The following MFAP3L variants were observed in gnomAD, a reference collection of about 807,000 sequenced individuals.
The protein encoded by MFAP3L is microfibrillar-associated protein 3-like.
Under a neutral mutation model 20.0 loss-of-function variants are expected in MFAP3L, and 5 were observed. That is an observed-to-expected ratio of 0.25 (90% CI 0.13 to 0.53). The LOEUF is 0.53. MFAP3L is among the 20% of genes least tolerant of loss of function. The pLI is 0.96. For missense variants in MFAP3L, 409 were observed against 527.5 expected (o/e 0.78, Z 2.20); for synonymous variants, 219 against 213.0 (o/e 1.03, Z -0.25).
At chr4:170,016,074 T>A (rs1739682916) in intron 1 of MFAP3L, among the ~76,000 whole-genome samples, 1 of 152,234 alleles carries the variant, frequency 6.6e-6, no homozygotes, top group Non-Finnish European at 1.5e-5. Context: ...TCAAATATTG[T>A]TGATTGTGCT....
At chr4:170,016,308 T>G (rs992910253) in intron 1 of MFAP3L, among the ~76,000 whole-genome samples, 1 of 152,198 alleles carries the variant, frequency 6.6e-6, no homozygotes, top group Non-Finnish European at 1.5e-5. Flanking sequence ...CCAACCTCAC[T>G]ACGCTCGCTC....
intron 2 of MFAP3L, among the ~76,000 whole-genome samples, chr4:170,003,445 G>A (rs1181803806): frequency 6.6e-6 from 1 of 152,164 alleles, no homozygotes; most frequent in Non-Finnish European, 1.5e-5. Flanking sequence ...AAGGAGGGAC[G>A]GTGCAGAGTC....
intron 2 of MFAP3L, among the ~76,000 whole-genome samples, chr4:170,001,705 C>T (rs1738631274): frequency 6.6e-6 from 1 of 152,150 alleles, no homozygotes; most frequent in Admixed American, 6.5e-5. Context: ...AAACTGAAAA[C>T]AGTATATTTC....
At chr4:170,013,657 TG>T (rs1285733347) in intron 1 of MFAP3L, among the ~76,000 whole-genome samples, 15 of 152,254 alleles carry the variant, frequency 9.9e-5, no homozygotes, top group Non-Finnish European at 2.1e-4. Flanking sequence ...ATTGTTTTCT[TG>T]GTTCCATAAA....
At position 169,988,146 on chromosome 4, in the gene MFAP3L, G is replaced by A. The variant is rs780197930; in HGVS notation, c.*3232C>T. The stretch of plus-strand genomic sequence containing the variant: ...AGAAGCTATATATCACATGTATCAC[G>A]TTTGGTTCCTAGAGATTTTAGTCAA... On this transcript the variant is annotated 3_prime_UTR_variant, in exon 3 of 3. Transcript: ENST00000361618. 1.6e-4 allele frequency: 25 copies of A among 152,248 alleles called. No individual in the cohort carries two copies. The highest frequency in any genetic ancestry group is 1.3e-4 in the Admixed American group (2 of 15,294). The allele number at this position is 152,248 out of a possible 1,614,324, so 9.4% of individuals were successfully genotyped here.
At chr4:170,025,415 TC>T in intron 1 of MFAP3L, among the ~76,000 whole-genome samples, 1 of 152,330 alleles carries the variant, frequency 6.6e-6, no homozygotes, top group East Asian at 1.9e-4. Flanking sequence ...ACCAAACTTT[TC>T]TGCTAAGTAT....
intron 1 of MFAP3L, among the ~76,000 whole-genome samples, chr4:170,013,297 G>C (rs945275703): frequency 1.3e-5 from 2 of 152,082 alleles, no homozygotes; most frequent in African/African-American, 4.8e-5. Context: ...TGTTGGTTAA[G>C]CCTGATCATC....
At chr4:169,994,317 T>TG (rs1439551589) in intron 2 of MFAP3L, 1 of 985,340 alleles carries the variant, frequency 1.0e-6, no homozygotes, top group Non-Finnish European at 1.2e-6. Flanking sequence ...TACCACTTTT[T>TG]GGAACAGTTA....
At chr4:170,012,555 A>G (rs1739447706) in intron 1 of MFAP3L, among the ~76,000 whole-genome samples, 1 of 152,132 alleles carries the variant, frequency 6.6e-6, no homozygotes, top group East Asian at 1.9e-4. Context: ...TCCTAGCTTC[A>G]CCATCTTCTC....
At chr4:170,022,348 A>T (rs1255863605) in intron 1 of MFAP3L, among the ~76,000 whole-genome samples, 4 of 152,220 alleles carry the variant, frequency 2.6e-5, no homozygotes, top group Non-Finnish European at 5.9e-5. Context: ...TTTAGGAAGT[A>T]AATCTGGCAT....
At chr4:170,004,117 C>T (rs1377380861) in intron 2 of MFAP3L, among the ~76,000 whole-genome samples, 8 of 152,040 alleles carry the variant, frequency 5.3e-5, no homozygotes, top group African/African-American at 1.2e-4. Context: ...CCACCATGTC[C>T]GGCTAATTTT....
chr4:170,009,465 A>G (rs1739244761), intron 1 of MFAP3L, among the ~76,000 whole-genome samples: 1 of 152,162 alleles, frequency 6.6e-6, no homozygotes, highest in Non-Finnish European at 1.5e-5. Context: ...TAAAATAACA[A>G]TCTAACATTG....
chr4:170,024,351 A>G (rs1242023016), intron 1 of MFAP3L, among the ~76,000 whole-genome samples: 1 of 152,158 alleles, frequency 6.6e-6, no homozygotes, highest in Non-Finnish European at 1.5e-5. Context: ...CACATTCACA[A>G]AAAGTAAACT....
At chr4:170,013,386 GA>G (rs983577331) in intron 1 of MFAP3L, among the ~76,000 whole-genome samples, 1 of 152,036 alleles carries the variant, frequency 6.6e-6, no homozygotes, top group Non-Finnish European at 1.5e-5. Flanking sequence ...AAGGAGGAGG[GA>G]AAAAATTACA....
chr4:170,006,306 T>G (rs1560981021), intron 1 of MFAP3L, among the ~76,000 whole-genome samples: 4 of 152,032 alleles, frequency 2.6e-5, no homozygotes, highest in South Asian at 2.1e-4. Context: ...AGAGATGAGG[T>G]TTCACCGTGT....
intron 1 of MFAP3L, 31 bp downstream of exon 1, chr4:170,026,203 C>A: frequency 3.0e-6 from 3 of 983,640 alleles, no homozygotes; most frequent in Non-Finnish European, 3.6e-6. Flanking sequence ...CCGTGCCCCT[C>A]CGCCCCGGCC....
At chr4:170,023,773 G>C (rs1740180398) in intron 1 of MFAP3L, among the ~76,000 whole-genome samples, 1 of 152,128 alleles carries the variant, frequency 6.6e-6, no homozygotes, top group Non-Finnish European at 1.5e-5. Flanking sequence ...AAGCAACTTG[G>C]CTACAATATT....
At position 170,004,501 on chromosome 4, in the gene MFAP3L, A is replaced by T. The variant is rs531624146; in HGVS notation, c.298+1079T>A. Reference sequence around the variant, plus strand: ...AAGTGACAGCACTACAGCAAACCCCACATCCTGGCCAATTAGACGGCTAGC... The same window carrying T: ...AAGTGACAGCACTACAGCAAACCCCTCATCCTGGCCAATTAGACGGCTAGC... On this transcript the variant is annotated intron_variant, in intron 2 of 2. Transcript: ENST00000361618. Among the ~76,000 whole-genome samples, 8 of 152,322 alleles carry T rather than the reference A, an allele frequency of 5.3e-5. No individual in the cohort carries two copies. The East Asian group carries it at 1.5e-3, about 29-fold the overall frequency.
chr4:170,025,638 C>T (rs919173176), intron 1 of MFAP3L, among the ~76,000 whole-genome samples: 1 of 152,202 alleles, frequency 6.6e-6, no homozygotes, highest in African/African-American at 2.4e-5. Flanking sequence ...TTTCCCCATT[C>T]CACGCCATGA....
Sources: allele counts gnomAD v4.1 joint callset (sites outside exome capture counted in the v4.1 genomes callset), GRCh38; gene constraint gnomAD v4.1.1; transcripts MANE v1.5; gene names NCBI Gene and HGNC (gene_info 2026-07-23, HGNC 2026-07-21).